The following KDELR2 variants were observed in gnomAD, a reference collection of about 807,000 sequenced individuals.
The protein encoded by KDELR2 is ER lumen protein-retaining receptor 2.
Under a neutral mutation model 23.9 loss-of-function variants are expected in KDELR2, and 15 were observed. That is an observed-to-expected ratio of 0.63 (90% confidence interval 0.42 to 0.97). KDELR2 has a LOEUF of 0.97. KDELR2 is among the 50% of genes least tolerant of loss of function. The probability of loss-of-function intolerance (pLI) is 0.00; values close to 1 mark genes in which losing one functional copy is unlikely to be tolerated. For synonymous variants in KDELR2, 119 were observed against 106.2 expected (o/e 1.12, Z -0.74); for missense variants, 272 against 254.6 (o/e 1.07, Z -0.46).
At chr7:6,469,784 C>T (rs780944040) in intron 2 of KDELR2, 30 bp from the exon 3 acceptor site, 2 of 1,580,636 alleles carry the variant, frequency 1.3e-6, no homozygotes, top group South Asian at 2.3e-5. Context: ...CACCAGGTGT[C>T]AATACCTTGC....
intron 1 of KDELR2, among the ~76,000 whole-genome samples, chr7:6,475,091 A>G (rs1785726552): frequency 1.3e-5 from 2 of 152,216 alleles, no homozygotes; most frequent in East Asian, 1.9e-4. Flanking sequence ...ATGGCATCGC[A>G]TCCCATGGTG....
chr7:6,473,942 A>G (rs1281739105), intron 2 of KDELR2: 1 of 326,274 alleles, frequency 3.1e-6, no homozygotes, highest in Non-Finnish European at 5.5e-6. Flanking sequence ...AAAATAAAAA[A>G]GTTCTAACTT....
In KDELR2 at chr7:6,461,220, A is replaced by C. The variant is rs1228894446; in HGVS notation, c.*1921T>G. The C allele has an allele frequency of 6.6e-6, 1 of 152,188 alleles. No individual in the cohort carries two copies. The highest frequency in any genetic ancestry group is 1.5e-5 in the Non-Finnish European group (1 of 68,028). 9.4% of individuals were successfully genotyped at this position (152,188 alleles called of 1,614,324 possible). The stretch of plus-strand genomic sequence containing the variant: ...CCCAGTCCCACACTCCCTCGCAGGC[A>C]CCCTTGCTAAGATGTCCTCCTGGGT... On this transcript the variant is annotated 3_prime_UTR_variant, in exon 5 of 5. Transcript: ENST00000258739.
At position 6,473,104 on chromosome 7, in the gene KDELR2, TA is replaced by T. The variant is rs201952492; in HGVS notation, c.192+1079del. On this transcript the variant is annotated intron_variant, in intron 2 of 4. Transcript: ENST00000258739. ...TGTATTTTTTTTTTTTTTTTTTTTT[TA>T]GAGACAGGGGTCTAACTATGTTGCT... 1.5e-3 allele frequency among the ~76,000 whole-genome samples: 225 copies of T among 146,928 alleles called. 6 individuals are homozygous for T. Among genetic ancestry groups the T allele is most frequent in the African/African-American group, 5.3e-3 (211 of 39,612 alleles).
chr7:6,483,174 G>C (rs1192287854), intron 1 of KDELR2, among the ~76,000 whole-genome samples: 1 of 152,190 alleles, frequency 6.6e-6, no homozygotes. Flanking sequence ...CTGGTGACGT[G>C]GAGCAACGAA....
intron 4 of KDELR2, among the ~76,000 whole-genome samples, chr7:6,465,498 T>C (rs1364891595): frequency 2.0e-5 from 3 of 152,016 alleles, no homozygotes; most frequent in Admixed American, 1.3e-4. Context: ...TTTTTTTTTT[T>C]CTGAACAAGG....
intron 1 of KDELR2, among the ~76,000 whole-genome samples, chr7:6,480,012 G>A (rs537600013): frequency 6.6e-6 from 1 of 152,314 alleles, no homozygotes; most frequent in East Asian, 1.9e-4. Flanking sequence ...TATCTGAAAT[G>A]TATGGACACC....
chr7:6,479,281 C>T (rs760446981), intron 1 of KDELR2, among the ~76,000 whole-genome samples: 8 of 152,028 alleles, frequency 5.3e-5, no homozygotes, highest in Non-Finnish European at 8.8e-5. Context: ...ACTCAGCCTT[C>T]TGAGTAGCTG....
chr7:6,469,172 TCG>T (rs1381835508), intron 3 of KDELR2, among the ~76,000 whole-genome samples: 23 of 151,452 alleles, frequency 1.5e-4, no homozygotes, highest in Non-Finnish European at 2.5e-4. Flanking sequence ...CAGTATAGTC[TCG>T]ATCTCCTGAC....
chr7:6,478,750 C>A (rs981892390), intron 1 of KDELR2, among the ~76,000 whole-genome samples: 1 of 152,118 alleles, frequency 6.6e-6, no homozygotes, highest in Non-Finnish European at 1.5e-5. Flanking sequence ...ACATGCAGGT[C>A]ATCTTCTATG....
intron 2 of KDELR2, chr7:6,469,995 G>A: frequency 2.9e-6 from 1 of 348,616 alleles, no homozygotes; most frequent in Non-Finnish European, 5.2e-6. Context: ...CTGCCATGCT[G>A]CCGCTTCGCA....
At chr7:6,475,465 T>C (rs1785732385) in intron 1 of KDELR2, among the ~76,000 whole-genome samples, 1 of 152,198 alleles carries the variant, frequency 6.6e-6, no homozygotes, top group South Asian at 2.1e-4. Context: ...AATTCCATTG[T>C]ATTTGTATAA....
In KDELR2 at chr7:6,462,766, T is replaced by G; in HGVS notation, c.*375A>C. The stretch of plus-strand genomic sequence containing the variant: ...TCTATCAACTGTCAAGGAGTACAAT[T>G]TCATTGCAGACACAAAGACTTAAGA... On this transcript the variant is annotated 3_prime_UTR_variant, in exon 5 of 5. Coordinates refer to ENST00000258739, the MANE Select transcript of KDELR2 (RefSeq NM_006854.4). 1 of 490,208 alleles carries G rather than the reference T, an allele frequency of 2.0e-6. No individual in the cohort carries two copies. The highest frequency in any genetic ancestry group is 3.8e-5 in the Admixed American group (1 of 26,196). 30.4% of individuals were successfully genotyped at this position (490,208 alleles called of 1,614,324 possible). A position where few individuals can be genotyped will look rare whatever the true frequency, so the allele number is the denominator to read the frequency against.
intron 2 of KDELR2, among the ~76,000 whole-genome samples, chr7:6,471,138 T>A (rs1284643439): frequency 7.2e-6 from 1 of 139,396 alleles, no homozygotes; most frequent in African/African-American, 2.6e-5. Flanking sequence ...AATAAATAAA[T>A]AAATAAATAA....
intron 3 of KDELR2, among the ~76,000 whole-genome samples, chr7:6,466,555 G>A (rs1262295157): frequency 6.6e-6 from 1 of 152,116 alleles, no homozygotes; most frequent in East Asian, 1.9e-4. Context: ...AGGGTGGATG[G>A]ATGGTTTCGG....
chr7:6,463,639 A>G (rs1583314155), intron 4 of KDELR2, among the ~76,000 whole-genome samples: 1 of 151,826 alleles, frequency 6.6e-6, no homozygotes, highest in East Asian at 1.9e-4. Flanking sequence ...ACTCAGGAGG[A>G]TGAGCAGGGA....
intron 1 of KDELR2, among the ~76,000 whole-genome samples, chr7:6,479,749 T>C (rs960275535): frequency 2.0e-5 from 3 of 152,210 alleles, no homozygotes; most frequent in Admixed American, 2.0e-4. Context: ...AGTCCTAGGA[T>C]TACAGGCGTG....
chr7:6,473,359 G>A (rs981439184), intron 2 of KDELR2, among the ~76,000 whole-genome samples: 2 of 151,914 alleles, frequency 1.3e-5, no homozygotes, highest in African/African-American at 2.4e-5. Context: ...ATTTTCTGCC[G>A]CATCCTCAGT....
rs1270074400 is a variant in KDELR2 at position 6,469,749 on chromosome 7, G to T, written c.198C>A (p.Ile66=). The change falls in exon 3 of 5, where the codon ATC becomes ATA. Residue 66 remains isoleucine, a synonymous_variant. Transcript: ENST00000258739. The part of the protein sequence containing the change: ...ISLYNTSMKV[I]YLACSYATVY... ...CTGTGGCATAGGAGCAGGCAAGGTA[G>T]ATAACCTACAAATAAAAGAAAAAAC... 1 of 1,608,036 alleles carries T rather than the reference G, an allele frequency of 6.2e-7. No homozygotes were observed. Among genetic ancestry groups the T allele is most frequent in the Non-Finnish European group, 8.5e-7 (1 of 1,177,804 alleles).
Sources: gnomAD v4.1 joint callset for allele counts (sites outside exome capture counted in the v4.1 genomes callset) on GRCh38, gnomAD v4.1.1 for gene constraint, MANE v1.5 for transcripts, NCBI Gene and HGNC (gene_info 2026-07-23, HGNC 2026-07-21) for gene names.